Variants in CDIN1 observed in about 807,000 individuals in gnomAD.
CDIN1 encodes the protein CDAN1 interacting nuclease 1, also known as CDAN1-interacting nuclease 1.
Under a neutral mutation model 45.3 loss-of-function variants are expected in CDIN1, and 33 were observed. That is an observed-to-expected ratio of 0.73 (90% CI 0.55 to 0.97). The LOEUF (loss-of-function observed/expected upper bound fraction) is 0.97. CDIN1 is among the 50% of genes least tolerant of loss of function. The pLI is 0.00. For missense variants in CDIN1, 303 were observed against 339.4 expected, an observed-to-expected ratio of 0.89 and a Z score of 0.84; for synonymous variants, 118 against 124.4, an observed-to-expected ratio of 0.95 and a Z score of 0.34.
intron 10 of CDIN1, among the ~76,000 whole-genome samples, chr15:36,731,519 C>G (rs2043833952): frequency 6.6e-6 from 1 of 152,130 alleles, no homozygotes; most frequent in Non-Finnish European, 1.5e-5. Context: ...CTTATATATG[C>G]TAATTTACAC....
At chr15:36,689,359 G>A (rs2042163069) in intron 5 of CDIN1, among the ~76,000 whole-genome samples, 1 of 152,000 alleles carries the variant, frequency 6.6e-6, no homozygotes, top group South Asian at 2.1e-4. Context: ...AGTTTGATAT[G>A]AGATCTGTAA....
intron 1 of CDIN1, among the ~76,000 whole-genome samples, chr15:36,611,231 T>C (rs1321570610): frequency 6.6e-6 from 1 of 152,198 alleles, no homozygotes; most frequent in African/African-American, 2.4e-5. Context: ...AGATAGACAG[T>C]AGGGAGTCCT....
chr15:36,785,888 T>C (rs1469275626), intron 10 of CDIN1, among the ~76,000 whole-genome samples: 1 of 152,214 alleles, frequency 6.6e-6, no homozygotes, highest in Non-Finnish European at 1.5e-5. Flanking sequence ...CACACTGCTC[T>C]TAATGGTGGC....
At chr15:36,689,715 C>A (rs775045709) in intron 5 of CDIN1, among the ~76,000 whole-genome samples, 69 of 152,044 alleles carry the variant, frequency 4.5e-4, no homozygotes, top group Admixed American at 1.6e-3. Context: ...GTAATCTTTT[C>A]TTTTATAAGA....
intron 10 of CDIN1, among the ~76,000 whole-genome samples, chr15:36,715,626 G>T (rs939720430): frequency 3.9e-5 from 6 of 152,166 alleles, no homozygotes; most frequent in Non-Finnish European, 7.3e-5. Flanking sequence ...CAGCACTGCT[G>T]CCGTATACTA....
chr15:36,757,891 A>G (rs1595563117), intron 10 of CDIN1, among the ~76,000 whole-genome samples: 1 of 152,290 alleles, frequency 6.6e-6, no homozygotes, highest in East Asian at 1.9e-4. Flanking sequence ...GTATAGAACA[A>G]TAAGATAGTT....
chr15:36,764,119 C>A (rs1487137828), intron 10 of CDIN1, among the ~76,000 whole-genome samples: 1 of 152,006 alleles, frequency 6.6e-6, no homozygotes, highest in Non-Finnish European at 1.5e-5. Context: ...GTTGTTTTAC[C>A]TGTTGTGATA....
In CDIN1 at chr15:36,634,378, C is replaced by T. The variant is rs532499517; in HGVS notation, c.102-9900C>T. ...GTCAGAGGTTGCAGTGAGCCTTGAT[C>T]GCGCCACTGCACCCCAGCCTGCAGA... On this transcript the variant is annotated intron_variant, in intron 1 of 10. Coordinates refer to ENST00000566621, the MANE Select transcript of CDIN1 (RefSeq NM_001321759.2). Among the ~76,000 whole-genome samples the T allele has an allele frequency of 1.3e-4, 20 of 152,166 alleles. No homozygotes were observed. The East Asian group carries it at 1.9e-3, about 15-fold the overall frequency.
At chr15:36,631,640 T>C (rs2039683651) in intron 1 of CDIN1, among the ~76,000 whole-genome samples, 1 of 152,228 alleles carries the variant, frequency 6.6e-6, no homozygotes, top group African/African-American at 2.4e-5. Context: ...CACATTTTAT[T>C]GATCCATTCA....
At chr15:36,670,016 A>C (rs1487614833) in intron 5 of CDIN1, among the ~76,000 whole-genome samples, 2 of 152,086 alleles carry the variant, frequency 1.3e-5, no homozygotes. Context: ...GAGAATGATT[A>C]AACTCTGCCT....
intron 10 of CDIN1, among the ~76,000 whole-genome samples, chr15:36,757,928 A>G (rs1595563175): frequency 2.0e-5 from 3 of 152,232 alleles, no homozygotes; most frequent in South Asian, 4.2e-4. Flanking sequence ...GACCACATTC[A>G]TGTAACTTTT....
intron 7 of CDIN1, 61 bp from the exon 8 acceptor site, chr15:36,697,262 A>G (rs1217298679): frequency 2.1e-6 from 3 of 1,420,906 alleles, no homozygotes; most frequent in South Asian, 2.3e-5. Context: ...TAGACCTGGT[A>G]TTAGCGTTTT....
chr15:36,652,773 C>T (rs1022469292), intron 3 of CDIN1, among the ~76,000 whole-genome samples: 3 of 152,106 alleles, frequency 2.0e-5, no homozygotes, highest in Non-Finnish European at 4.4e-5. Flanking sequence ...ACTTTGCTTA[C>T]AGGAAAATTA....
chr15:36,745,061 A>T (rs1262582629), intron 10 of CDIN1, among the ~76,000 whole-genome samples: 1 of 152,214 alleles, frequency 6.6e-6, no homozygotes, highest in African/African-American at 2.4e-5. Flanking sequence ...GCAGATTATG[A>T]TAAATGCATC....
At chr15:36,789,266 C>T (rs1342119273) in intron 10 of CDIN1, among the ~76,000 whole-genome samples, 2 of 152,098 alleles carry the variant, frequency 1.3e-5, no homozygotes, top group African/African-American at 2.4e-5. Flanking sequence ...AACTGACATC[C>T]GCCACTCACA....
intron 1 of CDIN1, among the ~76,000 whole-genome samples, chr15:36,595,866 C>T (rs775873679): frequency 3.3e-5 from 5 of 152,224 alleles, no homozygotes; most frequent in Non-Finnish European, 5.9e-5. Flanking sequence ...GAGACCCAGG[C>T]GCCTGCTGAG....
intron 10 of CDIN1, among the ~76,000 whole-genome samples, chr15:36,740,764 C>T (rs2044207014): frequency 6.6e-6 from 1 of 151,972 alleles, no homozygotes; most frequent in South Asian, 2.1e-4. Flanking sequence ...TGGTGCATGC[C>T]TGTAATCCCG....
At chr15:36,781,482 T>G (rs1297082514) in intron 10 of CDIN1, among the ~76,000 whole-genome samples, 1 of 152,194 alleles carries the variant, frequency 6.6e-6, no homozygotes, top group African/African-American at 2.4e-5. Context: ...TTTCCCGTGC[T>G]TTTCCTACAT....
chr15:36,701,975 G>A, intron 8 of CDIN1: 1 of 696,704 alleles, frequency 1.4e-6, no homozygotes, highest in Non-Finnish European at 2.6e-6. Context: ...ACTCTGCTGG[G>A]GAGGTGATTA....
Sources: allele counts gnomAD v4.1 joint callset (sites outside exome capture counted in the v4.1 genomes callset), GRCh38; gene constraint gnomAD v4.1.1; transcripts MANE v1.5; gene names NCBI Gene and HGNC (gene_info 2026-07-23, HGNC 2026-07-21).